The following HDGF variants were observed in gnomAD, a reference collection of about 807,000 sequenced individuals.
HDGF encodes the protein heparin binding growth factor.
In HDGF, 5 loss-of-function variants were observed where a neutral mutation model predicts 30.0. That is an observed-to-expected ratio of 0.17 (90% CI 0.09 to 0.35). HDGF has a LOEUF of 0.35. Ranked by LOEUF, HDGF falls within the 10% of genes least tolerant of loss-of-function variation. HDGF has a pLI of 1.00. For missense variants in HDGF, 214 were observed against 302.8 expected, an observed-to-expected ratio of 0.71 and a Z score of 2.18; for synonymous variants, 133 against 112.7, an observed-to-expected ratio of 1.18 and a Z score of -1.14.
chr1:156,763,305 T>A (rs967050131), intron 1 of HDGF, among the ~76,000 whole-genome samples: 7 of 149,418 alleles, frequency 4.7e-5, no homozygotes, highest in African/African-American at 7.4e-5. Context: ...CTCTGCCTCC[T>A]GCATTCAAGT....
chr1:156,743,944 C>G, intron 4 of HDGF, 66 bp from the exon 5 acceptor site: 1 of 1,254,102 alleles, frequency 8.0e-7, no homozygotes, highest in Non-Finnish European at 1.2e-6. Context: ...ACCCACTCCT[C>G]TCCTCCGGGG....
At chr1:156,759,644 G>A (rs1376925620) in intron 1 of HDGF, among the ~76,000 whole-genome samples, 1 of 152,062 alleles carries the variant, frequency 6.6e-6, no homozygotes, top group South Asian at 2.1e-4. Context: ...ACCATGCCCG[G>A]CTCATTTTTG....
At chr1:156,757,359 G>A (rs1022513003), upstream of HDGF, among the ~76,000 whole-genome samples, 2 of 151,818 alleles carry the variant, frequency 1.3e-5, no homozygotes, top group Non-Finnish European at 1.5e-5. Flanking sequence ...CTAGCTACTC[G>A]GGAGGCTGGG....
upstream of HDGF, chr1:156,751,987 C>T: frequency 3.3e-6 from 5 of 1,517,326 alleles, no homozygotes; most frequent in African/African-American, 1.4e-5. The surrounding 1 kb of genome is among the most constrained non-coding windows in gnomAD (Gnocchi z 4.7). Flanking sequence ...AGCTGGCGCC[C>T]GGCTGGACGG....
At chr1:156,765,964 CAACT>C (rs770475878) in intron 1 of HDGF, among the ~76,000 whole-genome samples, 21 of 152,198 alleles carry the variant, frequency 1.4e-4, no homozygotes, top group African/African-American at 2.7e-4. Flanking sequence ...GCCTGGTTTG[CAACT>C]AACTGAGTAG....
rs544146534 is a variant in HDGF, at chr1:156,764,665, G to C, written n.136+2125C>G. ...TAATTTTCACAGTAAGGGGATCCTC[G>C]CTTAGAAAACATTTGTTAAACACAG... On this transcript the variant is annotated intron_variant and non_coding_transcript_variant, in intron 1 of 7. Transcript: ENST00000465180. Among the ~76,000 whole-genome samples, 9 of 152,006 alleles carry C rather than the reference G, an allele frequency of 5.9e-5. No individual in the cohort carries two copies. The South Asian group carries it at 1.9e-3, about 32-fold the overall frequency.
chr1:156,751,042 G>T lies in HDGF; in HGVS notation c.87+301C>A, dbSNP rs1650938932. On this transcript the variant is annotated intron_variant, in intron 1 of 5. Coordinates refer to ENST00000357325, the MANE Select transcript of HDGF (RefSeq NM_004494.3). The surrounding 1 kb of genome is among the most constrained non-coding windows in gnomAD (Gnocchi z 4.7). ...CGAAACCTCTGGGAGTATGGGGGCT[G>T]GGGGCGGAACTGAGCACGCGGAGCT... 1.3e-5 allele frequency among the ~76,000 whole-genome samples: 2 copies of T among 152,064 alleles called. No individual in the cohort carries two copies.
Position 156,751,492 on chromosome 1 carries a change from G to T in HDGF, c.-63C>A. The T allele has an allele frequency of 7.9e-7, 1 of 1,267,328 alleles. No homozygotes were observed. The highest frequency in any genetic ancestry group is 1.0e-6 in the Non-Finnish European group (1 of 995,360). The allele number at this position is 1,267,328 out of a possible 1,614,324, so 78.5% of individuals were successfully genotyped here. A position where few individuals can be genotyped will look rare whatever the true frequency, so the allele number is the denominator to read the frequency against. Reference sequence around the variant, plus strand: ...GGGAAGCGCGAGCCCAAGTTTGCGCGTGCGGCGGTGGCGGCGCCGCTCCGC... The same window carrying T: ...GGGAAGCGCGAGCCCAAGTTTGCGCTTGCGGCGGTGGCGGCGCCGCTCCGC... On this transcript the variant is annotated 5_prime_UTR_variant, in exon 1 of 6. Transcript: ENST00000357325. This position sits in a 1 kb window ranked among gnomAD's most constrained non-coding sequence, Gnocchi z 4.7.
chr1:156,755,969 G>C (rs893387349), upstream of HDGF, among the ~76,000 whole-genome samples: 1 of 152,200 alleles, frequency 6.6e-6, no homozygotes, highest in Non-Finnish European at 1.5e-5. Context: ...AGTTCTTTAG[G>C]CCAGGGCGAG....
intron 1 of HDGF, among the ~76,000 whole-genome samples, chr1:156,761,975 C>A (rs1263498036): frequency 1.7e-4 from 24 of 143,794 alleles, no homozygotes; most frequent in Admixed American, 9.0e-4. Context: ...AAAAAAAACA[C>A]AAAAAATACA....
chr1:156,744,663 T>A (rs1165663538), intron 3 of HDGF: 1 of 609,212 alleles, frequency 1.6e-6, no homozygotes, highest in Non-Finnish European at 2.3e-6. Flanking sequence ...TCCCGCCTCG[T>A]CCTGCCCGGC....
chr1:156,751,868 C>T (rs902265909), upstream of HDGF: 9 of 974,106 alleles, frequency 9.2e-6, no homozygotes, highest in Admixed American at 7.6e-5. This position sits in a 1 kb window ranked among gnomAD's most constrained non-coding sequence, Gnocchi z 4.7. Flanking sequence ...ACGCCCAACC[C>T]GGAGCCGCCT....
upstream of HDGF, chr1:156,751,718 C>T (rs1335678430): frequency 2.6e-6 from 3 of 1,165,698 alleles, no homozygotes; most frequent in African/African-American, 3.3e-5. This position sits in a 1 kb window ranked among gnomAD's most constrained non-coding sequence, Gnocchi z 4.7. Flanking sequence ...TCTTCCTCCA[C>T]CCCCCGCCCG....
intron 1 of HDGF, chr1:156,747,408 G>A (rs1189761907): frequency 6.6e-6 from 1 of 152,296 alleles, no homozygotes; most frequent in Non-Finnish European, 1.5e-5. Flanking sequence ...CGGGGCGAAA[G>A]GGGGCGTCCT....
At chr1:156,751,923 C>T (rs909888286), upstream of HDGF, 2 of 1,069,912 alleles carry the variant, frequency 1.9e-6, no homozygotes, top group African/African-American at 1.7e-5. The surrounding 1 kb of genome is among the most constrained non-coding windows in gnomAD (Gnocchi z 4.7). Flanking sequence ...TCGCCGAGCA[C>T]GCCGAGCAGG....
At position 156,745,447 on chromosome 1, in the gene HDGF, A is replaced by T; in HGVS notation, c.88-74T>A. 6 of 1,259,970 alleles carry T rather than the reference A, an allele frequency of 4.8e-6. No homozygotes were observed. In the South Asian group the frequency reaches 7.6e-5, roughly 16 times the overall value. The allele number at this position is 1,259,970 out of a possible 1,614,324, so 78.0% of individuals were successfully genotyped here. A position where few individuals can be genotyped will look rare whatever the true frequency, so the allele number is the denominator to read the frequency against. ...GCCTGAGGCAGGGGTGCTGACCTCC[A>T]AGGCACATTTATATAAAATCAGACT... is the stretch of plus-strand genomic sequence containing the variant. On this transcript the variant is annotated intron_variant, in intron 1 of 5. Transcript: ENST00000357325.
intron 2 of HDGF, 22 bp from the exon 3 acceptor site, chr1:156,745,168 T>A (rs1264586619): frequency 1.2e-6 from 2 of 1,613,818 alleles, no homozygotes; most frequent in Non-Finnish European, 1.7e-6. Context: ...TGGGAGACTG[T>A]GCTCTCAAGC....
chr1:156,744,646 C>G, intron 3 of HDGF: 2 of 868,968 alleles, frequency 2.3e-6, no homozygotes, highest in Non-Finnish European at 3.2e-6. Flanking sequence ...ACCCCCGCCC[C>G]CCACCCTCCC....
chr1:156,744,854 C>G (rs1650415279), intron 3 of HDGF, among the ~76,000 whole-genome samples, 154 bp downstream of exon 3: 1 of 152,156 alleles, frequency 6.6e-6, no homozygotes, highest in Non-Finnish European at 1.5e-5. Flanking sequence ...CCTATCCCTT[C>G]TTGCAGGAAG....
Sources: gnomAD v4.1 joint callset for allele counts (sites outside exome capture counted in the v4.1 genomes callset) on GRCh38, gnomAD v4.1.1 for gene constraint, Gnocchi (gnomAD v3.1) non-coding constraint, MANE v1.5 for transcripts, NCBI Gene and HGNC (gene_info 2026-07-23, HGNC 2026-07-21) for gene names.